TUBA1C: variants seen among roughly 807,000 people sequenced by gnomAD.
The protein encoded by TUBA1C is tubulin alpha 1c, also known as tubulin alpha-1C chain.
TUBA1C carries 16 observed loss-of-function variants against 34.9 expected under a neutral mutation model. The observed-to-expected ratio is 0.46, with a 90% confidence interval of 0.31 to 0.70. The LOEUF is 0.70. Ranked by LOEUF, TUBA1C falls within the 30% of genes least tolerant of loss-of-function variation. The pLI is 0.05. For synonymous variants in TUBA1C, 177 were observed against 215.9 expected (o/e 0.82, Z 1.58); for missense variants, 329 against 587.3 (o/e 0.56, Z 4.55).
intron 1 of TUBA1C, chr12:49,256,546 C>A: frequency 2.8e-6 from 1 of 360,128 alleles, no homozygotes; most frequent in Non-Finnish European, 5.7e-6. Flanking sequence ...AAACAGAGAA[C>A]TATGTACTTT....
intron 1 of TUBA1C, among the ~76,000 whole-genome samples, chr12:49,234,997 T>C (rs1310072587): frequency 2.0e-5 from 3 of 151,920 alleles, no homozygotes; most frequent in Admixed American, 6.6e-5. Context: ...TTTGTATTTT[T>C]AGTAGAGACG....
rs869028916 is a variant in TUBA1C at position 49,274,285 on chromosome 12, A to ATTTTTTTTTTTTTTTT, written c.*1072_*1087dup. The ATTTTTTTTTTTTTTTT allele has an allele frequency of 1.4e-5, 1 of 69,696 alleles. No individual in the cohort carries two copies. The highest frequency in any genetic ancestry group is 7.0e-5 in the African/African-American group (1 of 14,318). The allele number at this position is 69,696 out of a possible 1,614,324, so 4.3% of individuals were successfully genotyped here. ...CCACCATGCCTGGCTGATTCTTGTA[A>ATTTTTTTTTTTTTTTT]TTTTTTTTTTTTTTTTTTTTTTTTT... On this transcript the variant is annotated 3_prime_UTR_variant, in exon 4 of 4. Transcript: ENST00000301072.
chr12:49,261,173 T>C (rs1353893468), upstream of TUBA1C, among the ~76,000 whole-genome samples: 1 of 151,440 alleles, frequency 6.6e-6, no homozygotes, highest in African/African-American at 2.4e-5. Context: ...TCAGTGGCGC[T>C]GAGCCAAGAT....
chr12:49,256,060 G>T (rs764246033), intron 1 of TUBA1C, among the ~76,000 whole-genome samples: 1 of 152,182 alleles, frequency 6.6e-6, no homozygotes, highest in African/African-American at 2.4e-5. Flanking sequence ...AGCTACAGTG[G>T]TGCCACTGCA....
At chr12:49,229,537 A>G (rs951896105) in intron 1 of TUBA1C, among the ~76,000 whole-genome samples, 3 of 152,120 alleles carry the variant, frequency 2.0e-5, no homozygotes, top group Admixed American at 2.0e-4. Flanking sequence ...CCTTATACGA[A>G]TAAATTATCT....
intron 1 of TUBA1C, among the ~76,000 whole-genome samples, chr12:49,236,969 A>AT (rs1942561525): frequency 1.3e-5 from 2 of 152,342 alleles, no homozygotes; most frequent in African/African-American, 4.8e-5. Context: ...TATAGTCAAT[A>AT]TGTTATAAGG....
intron 1 of TUBA1C, among the ~76,000 whole-genome samples, chr12:49,244,281 A>G (rs529131700): frequency 7.2e-5 from 11 of 152,334 alleles, no homozygotes; most frequent in African/African-American, 2.6e-4. Flanking sequence ...TTCATTTTCA[A>G]ATTCCACACA....
chr12:49,247,962 A>G (rs1341014003), intron 1 of TUBA1C, among the ~76,000 whole-genome samples: 28 of 147,512 alleles, frequency 1.9e-4, no homozygotes, highest in Non-Finnish European at 2.4e-4. Context: ...AAAAAAAAAA[A>G]AGAGAGAAAG....
In TUBA1C at chr12:49,269,924, A is replaced by G. The variant is rs773819115; in HGVS notation, c.323A>G (p.Tyr108Cys). The G allele has an allele frequency of 6.2e-7, 1 of 1,614,226 alleles. No individual in the cohort carries two copies. Among genetic ancestry groups the G allele is most frequent in the South Asian group, 1.1e-5 (1 of 91,084 alleles). The change falls in exon 3 of 4, where the codon TAC (tyrosine) becomes TGC (cysteine). Residue 108 changes from tyrosine to cysteine, a missense_variant. Physicochemically the swap from Tyr to Cys is radical, Grantham distance 194. Transcript: ENST00000301072. ...GCCAATAACTATGCCCGAGGGCACT[A>G]CACCATTGGCAAGGAGATCATTGAC... is the stretch of plus-strand genomic sequence containing the variant. ...DAANNYARGH[Y>C]TIGKEIIDLV...
rs567688578 is a variant in TUBA1C, at chr12:49,253,215, C to G, written c.214-16250C>G. On this transcript the variant is annotated intron_variant, in intron 1 of 3. Coordinates refer to the TUBA1C transcript ENST00000541364. ...AGTCATGAACTTTAAATGGAACTCT[C>G]GGCATACCACAGCCATGCCTGCAGG... Among the ~76,000 whole-genome samples the G allele has an allele frequency of 2.0e-3, 300 of 151,980 alleles. 1 individual carries two copies. Among genetic ancestry groups the G allele is most frequent in the Middle Eastern group, 0.017 (5 of 288 alleles).
upstream of TUBA1C, chr12:49,264,931 G>A: frequency 5.9e-6 from 2 of 337,264 alleles, no homozygotes; most frequent in Non-Finnish European, 1.0e-5. Context: ...GCCAATCAGC[G>A]CCGCGCGCCC....
intron 1 of TUBA1C, among the ~76,000 whole-genome samples, chr12:49,229,336 C>G (rs1287978197): frequency 6.6e-6 from 1 of 152,076 alleles, no homozygotes; most frequent in Non-Finnish European, 1.5e-5. Context: ...CCATGCCCAG[C>G]TAATTTTTGT....
chr12:49,267,918 G>T (rs1942936628), intron 1 of TUBA1C, among the ~76,000 whole-genome samples: 2 of 152,194 alleles, frequency 1.3e-5, no homozygotes. Flanking sequence ...GACTTATGAT[G>T]AAATGCCAAA....
intron 1 of TUBA1C, among the ~76,000 whole-genome samples, chr12:49,254,352 C>T (rs1365906488): frequency 2.0e-5 from 3 of 150,792 alleles, no homozygotes; most frequent in Admixed American, 6.6e-5. Flanking sequence ...TCGTGGTGCA[C>T]GCCTGTAATC....
At chr12:49,239,878 AGGGCCTCTGGCTT>A (rs1942593665) in intron 1 of TUBA1C, among the ~76,000 whole-genome samples, 1 of 152,120 alleles carries the variant, frequency 6.6e-6, no homozygotes, top group Non-Finnish European at 1.5e-5. Flanking sequence ...AGGTTTTTTC[AGGGCCTCTGGCTT>A]GGGACAGGAC....
chr12:49,244,149 C>CAAAAAAAAAA (rs35040535), intron 1 of TUBA1C, among the ~76,000 whole-genome samples: 1 of 97,636 alleles, frequency 1.0e-5, no homozygotes, highest in African/African-American at 3.5e-5. Context: ...GACTCTGTCT[C>CAAAAAAAAAA]AAAAAAAAAA....
intron 1 of TUBA1C, among the ~76,000 whole-genome samples, chr12:49,238,105 G>A (rs1251618696): frequency 1.4e-4 from 21 of 145,902 alleles, no homozygotes; most frequent in African/African-American, 4.2e-4. Flanking sequence ...GCGAGATTCC[G>A]CCTCAAAAAA....
At chr12:49,245,019 G>A (rs1942653148) in intron 1 of TUBA1C, among the ~76,000 whole-genome samples, 1 of 152,184 alleles carries the variant, frequency 6.6e-6, no homozygotes, top group Non-Finnish European at 1.5e-5. Flanking sequence ...CTAAGTGGCA[G>A]AGCTATAATT....
chr12:49,242,780 G>A (rs114884250), intron 1 of TUBA1C, among the ~76,000 whole-genome samples: 4 of 152,190 alleles, frequency 2.6e-5, no homozygotes, highest in Non-Finnish European at 4.4e-5. Context: ...GAGCTACCGC[G>A]CCTGGCTCAT....
Sources: allele counts gnomAD v4.1 joint callset (sites outside exome capture counted in the v4.1 genomes callset), GRCh38; gene constraint gnomAD v4.1.1; transcripts MANE v1.5; gene names NCBI Gene and HGNC (gene_info 2026-07-23, HGNC 2026-07-21).